GREB1L: variants seen among roughly 807,000 people sequenced by gnomAD.
The protein encoded by GREB1L is GREB1-like protein.
A neutral mutation model predicts 200.8 loss-of-function variants in GREB1L; 17 were observed. The ratio of observed to expected loss-of-function variants is 0.08; its 90% CI spans 0.06 to 0.13. The LOEUF is 0.13. Ranked by LOEUF, GREB1L falls within the 10% of genes least tolerant of loss-of-function variation. GREB1L has a pLI of 1.00. For missense variants in GREB1L, 1,657 were observed against 2,367.7 expected, an observed-to-expected ratio of 0.70 and a Z score of 6.23; for synonymous variants, 789 against 893.0, an observed-to-expected ratio of 0.88 and a Z score of 2.08.
At chr18:21,402,348 T>C (rs1161396192) in intron 6 of GREB1L, among the ~76,000 whole-genome samples, 4 of 152,094 alleles carry the variant, frequency 2.6e-5, no homozygotes, top group African/African-American at 9.7e-5. Context: ...TTCTTAGTAC[T>C]CAGTGGCAAT....
chr18:21,434,474 T>G (rs2033382480), intron 7 of GREB1L, among the ~76,000 whole-genome samples: 1 of 144,174 alleles, frequency 6.9e-6, no homozygotes, highest in Admixed American at 7.1e-5. Flanking sequence ...AGAATCCATC[T>G]AAAAAAAATA....
chr18:21,250,437 T>C (rs1047152029), intron 1 of GREB1L, among the ~76,000 whole-genome samples: 1 of 152,180 alleles, frequency 6.6e-6, no homozygotes, highest in African/African-American at 2.4e-5. Context: ...TTAAAAAAAA[T>C]GTTCTGCCAT....
At chr18:21,452,523 G>A (rs1361987226) in intron 14 of GREB1L, 2 of 259,550 alleles carry the variant, frequency 7.7e-6, no homozygotes, top group Non-Finnish European at 1.4e-5. Context: ...TCCACCAGCT[G>A]TGCCCAGAGG....
intron 21 of GREB1L, 97 bp downstream of exon 21, chr18:21,496,795 C>T: frequency 7.3e-7 from 1 of 1,375,568 alleles, no homozygotes; most frequent in South Asian, 1.4e-5. Context: ...ACCCCAACGG[C>T]CTTCAGAGGA....
intron 23 of GREB1L, among the ~76,000 whole-genome samples, chr18:21,500,942 A>G (rs2036763326): frequency 6.6e-6 from 1 of 151,902 alleles, no homozygotes; most frequent in Non-Finnish European, 1.5e-5. Context: ...GGTTGTGCAC[A>G]CCTGTAATTC....
chr18:21,500,881 C>T (rs917757108), intron 23 of GREB1L, among the ~76,000 whole-genome samples: 3 of 152,130 alleles, frequency 2.0e-5, no homozygotes, highest in Middle Eastern at 3.4e-3. Flanking sequence ...CCAGCCTGGG[C>T]AATATGGTGA....
chr18:21,255,779 T>G (rs1269489417), intron 1 of GREB1L, among the ~76,000 whole-genome samples: 1 of 152,230 alleles, frequency 6.6e-6, no homozygotes, highest in Non-Finnish European at 1.5e-5. Context: ...GTATTCTTCC[T>G]GAATATTAGA....
chr18:21,416,524 C>G (rs1598795129), intron 7 of GREB1L, among the ~76,000 whole-genome samples: 1 of 151,966 alleles, frequency 6.6e-6, no homozygotes, highest in Non-Finnish European at 1.5e-5. Context: ...AACCCTGTCC[C>G]TCCTAAATAT....
In GREB1L at chr18:21,490,219, G is replaced by A; in HGVS notation, c.2898G>A (p.Gln966=). Residue 966 remains glutamine, a synonymous_variant, in exon 19 of 33, where the codon CAG becomes CAA. Coordinates refer to ENST00000424526, the MANE Select transcript of GREB1L (RefSeq NM_001142966.3). The part of the protein sequence containing the change: ...HMLIIRVPSV[Q]LAMLAKERLQ... ...TCATTATCAGGGTGCCCTCGGTGCA[G>A]CTGGCGATGTTAGCCAAGGAGCGGC... The A allele has an allele frequency of 6.4e-7, 1 of 1,551,844 alleles. No individual in the cohort carries two copies. The highest frequency in any genetic ancestry group is 8.7e-7 in the Non-Finnish European group (1 of 1,147,038).
At chr18:21,265,761 T>C (rs2037956716) in intron 1 of GREB1L, among the ~76,000 whole-genome samples, 1 of 151,862 alleles carries the variant, frequency 6.6e-6, no homozygotes, top group Non-Finnish European at 1.5e-5. Flanking sequence ...CAGTTTTTCT[T>C]TTTTTTTATG....
chr18:21,275,544 T>C (rs1490537596), intron 1 of GREB1L, among the ~76,000 whole-genome samples: 1 of 151,822 alleles, frequency 6.6e-6, no homozygotes, highest in African/African-American at 2.4e-5. Context: ...TCCCAGCTAC[T>C]CGGGAGGCTG....
chr18:21,467,825 G>C (rs535478346), intron 15 of GREB1L, among the ~76,000 whole-genome samples: 12 of 152,154 alleles, frequency 7.9e-5, no homozygotes, highest in South Asian at 2.1e-4. Context: ...GAGATTGAGA[G>C]CATTCTGGCT....
At chr18:21,312,229 A>T (rs1567932353) in intron 1 of GREB1L, among the ~76,000 whole-genome samples, 1 of 152,072 alleles carries the variant, frequency 6.6e-6, no homozygotes, top group Non-Finnish European at 1.5e-5. Flanking sequence ...TCTACCATTG[A>T]TGGGCATTTA....
At chr18:21,328,666 G>A (rs2039061382) in intron 1 of GREB1L, among the ~76,000 whole-genome samples, 1 of 151,982 alleles carries the variant, frequency 6.6e-6, no homozygotes. Flanking sequence ...GTGCATGTGT[G>A]TGTGTGTACG....
intron 1 of GREB1L, among the ~76,000 whole-genome samples, chr18:21,325,078 G>C (rs1182219578): frequency 1.3e-5 from 2 of 152,030 alleles, no homozygotes; most frequent in Non-Finnish European, 2.9e-5. Context: ...CTGTTTTATT[G>C]ATCTTTTCCT....
chr18:21,457,962 C>T (rs1215751287), intron 15 of GREB1L, among the ~76,000 whole-genome samples: 4 of 134,894 alleles, frequency 3.0e-5, no homozygotes, highest in Admixed American at 2.4e-4. Context: ...AGAGCAAGGA[C>T]AGTTTTTTTT....
chr18:21,450,914 G>A, intron 12 of GREB1L, 109 bp from the exon 13 acceptor site: 1 of 1,068,720 alleles, frequency 9.4e-7, no homozygotes, highest in African/African-American at 1.6e-5. Flanking sequence ...CTTAACCCAA[G>A]TCCCTATAGT....
chr18:21,313,151 T>TAATATTTTTTAAAATATTAAAAAATATTA (rs1357242365), intron 1 of GREB1L, among the ~76,000 whole-genome samples: 1 of 151,678 alleles, frequency 6.6e-6, no homozygotes, highest in African/African-American at 2.4e-5. Flanking sequence ...GAGAAGATTT[T>TAATATTTTTTAAAATATTAAAAAATATTA]AATATTTTTT....
At chr18:21,273,852 C>T (rs1041723278) in intron 1 of GREB1L, among the ~76,000 whole-genome samples, 9 of 151,984 alleles carry the variant, frequency 5.9e-5, no homozygotes, top group Non-Finnish European at 4.4e-5. Context: ...CATGGGCCTC[C>T]AGACCATGGT....
Sources: allele counts gnomAD v4.1 joint callset (sites outside exome capture counted in the v4.1 genomes callset), GRCh38; gene constraint gnomAD v4.1.1; transcripts MANE v1.5; gene names NCBI Gene and HGNC (gene_info 2026-07-23, HGNC 2026-07-21).